UTS2R: variants seen among roughly 807,000 people sequenced by gnomAD.
The protein encoded by UTS2R is urotensin 2 receptor.
For missense variants in UTS2R, 653 were observed against 562.2 expected (o/e 1.16, Z -1.63); for synonymous variants, 335 against 280.9 (o/e 1.19, Z -1.93).
rs753754226 is a variant in UTS2R, at chr17:82,375,176, C to G, written c.852C>G (p.His284Gln). The G allele has an allele frequency of 3.2e-6, 5 of 1,551,592 alleles. No homozygotes were observed. The highest frequency in any genetic ancestry group is 1.4e-5 in the African/African-American group (1 of 72,470). The change falls in exon 3 of 3, where the codon CAC (histidine) becomes CAG (glutamine). Residue 284 changes from histidine to glutamine, a missense_variant. By Grantham distance (24) the His-to-Gln change is conservative. Coordinates refer to ENST00000313135, the MANE Select transcript of UTS2R (RefSeq NM_018949.3). ...TGTGGCAGCTGCTCGCCCAGTACCA[C>G]CAGGCCCCGCTGGCGCCGCGGACGG... ...FWLWQLLAQY[H>Q]QAPLAPRTAR...
At position 82,374,843 on chromosome 17, in the gene UTS2R, C is replaced by G. The variant is rs1472404288; in HGVS notation, c.519C>G (p.Thr173=). 7.0e-7 allele frequency: 1 copy of G among 1,424,242 alleles called. No homozygotes were observed. Among genetic ancestry groups the G allele is most frequent in the African/African-American group, 1.4e-5 (1 of 71,670 alleles). 88.2% of individuals were successfully genotyped at this position (1,424,242 alleles called of 1,614,324 possible). ...ACCGCAAGCTGCTGGCGCTGGGCAC[C>G]TGGCTGCTGGCGCTGCTGCTGACGC... ...KGYRKLLALG[T]WLLALLLTLP... is the part of the protein sequence containing the mutation. Residue 173 remains threonine (T), a synonymous_variant, in exon 3 of 3, where the codon ACC becomes ACG. Transcript: ENST00000313135.
rs572351735 is a variant in UTS2R at position 82,375,087 on chromosome 17, C to G, written c.763C>G (p.Arg255Gly). The change falls in exon 3 of 3, where the codon CGC becomes GGC. Residue 255 changes from arginine (R) to glycine (G), a missense_variant. By Grantham distance (125) the Arg-to-Gly change is moderately radical. Transcript: ENST00000313135. ...CAAGCGGGCCCGGCGGCCGGGGGCG[C>G]GCGCGCTGCGCCTGGTGCTGGGCAT... The part of the protein sequence containing the change: ...SFKRARRPGA[R>G]ALRLVLGIVL... 1.2e-5 allele frequency: 17 copies of G among 1,409,934 alleles called. No homozygotes were observed. The African/African-American group carries it at 2.3e-4, about 19-fold the overall frequency. 87.3% of individuals were successfully genotyped at this position (1,409,934 alleles called of 1,614,324 possible).
chr17:82,375,115 T>C lies in UTS2R; in HGVS notation c.791T>C (p.Val264Ala), dbSNP rs867639714. The stretch of plus-strand genomic sequence containing the variant: ...GCGCTGCGCCTGGTGCTGGGCATCG[T>C]GCTGCTCTTCTGGGCCTGCTTCCTG... ...ARALRLVLGI[V>A]LLFWACFLPF... Residue 264 changes from valine to alanine, a missense_variant, in exon 3 of 3, where the codon GTG (valine) becomes GCG (alanine). Transcript: ENST00000313135. 6.6e-7 allele frequency: 1 copy of C among 1,506,498 alleles called. No homozygotes were observed. The highest frequency in any genetic ancestry group is 2.1e-5 in the Admixed American group (1 of 46,544). The allele number at this position is 1,506,498 out of a possible 1,614,324, so 93.3% of individuals were successfully genotyped here.
Position 82,374,094 on chromosome 17 carries a change from T to C in UTS2R, c.-82-149T>C. ...GGGTTGGGGCAGCTCGTCTGGTGGCTCTTGAGTCCTCCTGCAGAGCTGGTG... is the reference window on the plus strand; with the variant it reads ...GGGTTGGGGCAGCTCGTCTGGTGGCCCTTGAGTCCTCCTGCAGAGCTGGTG... On this transcript the variant is annotated intron_variant, in intron 2 of 2. Coordinates refer to ENST00000313135, the MANE Select transcript of UTS2R (RefSeq NM_018949.3). 4 of 521,298 alleles carry C rather than the reference T, an allele frequency of 7.7e-6. No homozygotes were observed. The South Asian group carries it at 9.4e-5, about 12-fold the overall frequency. 32.3% of individuals were successfully genotyped at this position (521,298 alleles called of 1,614,324 possible). A position where few individuals can be genotyped will look rare whatever the true frequency, so the allele number is the denominator to read the frequency against.
At chr17:82,373,201 G>A (rs2052462738) in intron 2 of UTS2R, among the ~76,000 whole-genome samples, 1 of 151,682 alleles carries the variant, frequency 6.6e-6, no homozygotes, top group Non-Finnish European at 1.5e-5. Context: ...TGTTGCCCAG[G>A]CTGGAGTGCG....
intron 2 of UTS2R, among the ~76,000 whole-genome samples, chr17:82,373,147 C>CT (rs1218800004): frequency 9.2e-5 from 14 of 151,684 alleles, no homozygotes; most frequent in African/African-American, 3.4e-4. Flanking sequence ...AGCTTTTTGT[C>CT]TATGTTTCTT....
chr17:82,377,166 C>G lies in UTS2R; in HGVS notation c.*1672C>G, dbSNP rs1447016546. ...GATCCTGTTGATCTATGACCTTACCCCCAACCCTGTGCTCTCTGAAACATG... is the reference window on the plus strand; with the variant it reads ...GATCCTGTTGATCTATGACCTTACCGCCAACCCTGTGCTCTCTGAAACATG... On this transcript the variant is annotated 3_prime_UTR_variant, in exon 3 of 3. Coordinates refer to ENST00000313135, the MANE Select transcript of UTS2R (RefSeq NM_018949.3). Among the ~76,000 whole-genome samples, 1 of 152,016 alleles carries G rather than the reference C, an allele frequency of 6.6e-6. No individual in the cohort carries two copies. The highest frequency in any genetic ancestry group is 1.9e-4 in the East Asian group (1 of 5,202).
At chr17:82,373,042 G>A (rs1427686866) in intron 2 of UTS2R, among the ~76,000 whole-genome samples, 6 of 152,190 alleles carry the variant, frequency 3.9e-5, no homozygotes, top group African/African-American at 1.4e-4. Flanking sequence ...GTCCTTTTCA[G>A]GAAGTCCCCG....
chr17:82,374,963 G>C lies in UTS2R; in HGVS notation c.639G>C (p.Thr213=). Residue 213 remains threonine (T), a synonymous_variant, in exon 3 of 3, where the codon ACG becomes ACC. Coordinates refer to ENST00000313135, the MANE Select transcript of UTS2R (RefSeq NM_018949.3). Reference sequence around the variant, plus strand: ...CGCGCGCCCACCGCGCCTACCTGACGCTGCTCTTCGCCACCAGCATCGCGG... The same window carrying C: ...CGCGCGCCCACCGCGCCTACCTGACCCTGCTCTTCGCCACCAGCATCGCGG... ...WGPRAHRAYL[T]LLFATSIAGP... 8.7e-7 allele frequency: 1 copy of C among 1,154,852 alleles called. No homozygotes were observed. Among genetic ancestry groups the C allele is most frequent in the Non-Finnish European group, 1.2e-6 (1 of 809,014 alleles). 71.5% of individuals were successfully genotyped at this position (1,154,852 alleles called of 1,614,324 possible).
rs543994160 is a variant in UTS2R at position 82,372,206 on chromosome 17, C to T, written c.-269+159C>T. Among the ~76,000 whole-genome samples, 32 of 152,290 alleles carry T rather than the reference C, an allele frequency of 2.1e-4. No homozygotes were observed. The South Asian group carries it at 3.3e-3, about 16-fold the overall frequency. ...GGCTTCTCCCGTGCCGTGGAACTTT[C>T]GGCCCCTCCCCTTCCCCCCTAGCGA... On this transcript the variant is annotated intron_variant, in intron 1 of 2. Coordinates refer to ENST00000313135, the MANE Select transcript of UTS2R (RefSeq NM_018949.3).
At position 82,377,302 on chromosome 17, in the gene UTS2R, C is replaced by T. The variant is rs36120563; in HGVS notation, c.*1808C>T. On this transcript the variant is annotated 3_prime_UTR_variant, in exon 3 of 3. Transcript: ENST00000313135. ...AGGAGTCATCACCACTCCCTAATCT[C>T]AAGTACCCAGGGACACAAACACTGC... Among the ~76,000 whole-genome samples the T allele has an allele frequency of 6.6e-6, 1 of 151,868 alleles. No individual in the cohort carries two copies. The highest frequency in any genetic ancestry group is 6.6e-5 in the Admixed American group (1 of 15,244).
chr17:82,375,020 G>A lies in UTS2R; in HGVS notation c.696G>A (p.Ala232=), dbSNP rs574658650. ...GPGLLIGLLY[A]RLARAYRRSQ... is the part of the protein sequence containing the mutation. ...GGCTGCTCATCGGGCTGCTCTACGC[G>A]CGCCTGGCCCGCGCCTACCGCCGCT... is the stretch of plus-strand genomic sequence containing the variant. Residue 232 remains alanine (A), a synonymous_variant, in exon 3 of 3, where the codon GCG becomes GCA. Transcript: ENST00000313135. The A allele has an allele frequency of 1.5e-6, 2 of 1,360,274 alleles. No homozygotes were observed. The highest frequency in any genetic ancestry group is 9.8e-7 in the Non-Finnish European group (1 of 1,015,448). 84.3% of individuals were successfully genotyped at this position (1,360,274 alleles called of 1,614,324 possible). A position where few individuals can be genotyped will look rare whatever the true frequency, so the allele number is the denominator to read the frequency against.
Position 82,375,886 on chromosome 17 carries a change from C to T in UTS2R, c.*392C>T, listed in dbSNP as rs2052492704. 6.6e-6 allele frequency among the ~76,000 whole-genome samples: 1 copy of T among 152,274 alleles called. No homozygotes were observed. The highest frequency in any genetic ancestry group is 2.1e-4 in the South Asian group (1 of 4,838). ...GTGGCTTTGCCACTGGAACAATCAACCCTGAGCTGGCTTCCGTGTCCTGCC... is the reference window on the plus strand; with the variant it reads ...GTGGCTTTGCCACTGGAACAATCAATCCTGAGCTGGCTTCCGTGTCCTGCC... On this transcript the variant is annotated 3_prime_UTR_variant, in exon 3 of 3. Transcript: ENST00000313135.
In UTS2R at chr17:82,374,457, C is replaced by G; in HGVS notation, c.133C>G (p.Leu45Val). ...SWASPTEPSSLEDLVATGTIG... is the reference protein window; with the variant it reads ...SWASPTEPSSVEDLVATGTIG... ...GGCCAGCCCGACCGAGCCCAGCTCC[C>G]TGGAGGACCTGGTGGCCACGGGCAC... is the stretch of plus-strand genomic sequence containing the variant. The change falls in exon 3 of 3, where the codon CTG becomes GTG. Residue 45 changes from leucine to valine, a missense_variant. Transcript: ENST00000313135. 6.3e-7 allele frequency: 1 copy of G among 1,599,166 alleles called. No homozygotes were observed. Among genetic ancestry groups the G allele is most frequent in the Non-Finnish European group, 8.5e-7 (1 of 1,175,068 alleles).
rs2052489705 is a variant in UTS2R at position 82,375,491 on chromosome 17, G to A, written c.1167G>A (p.Ala389=). 1.5e-6 allele frequency: 2 copies of A among 1,320,518 alleles called. No individual in the cohort carries two copies. The highest frequency in any genetic ancestry group is 2.0e-6 in the Non-Finnish European group (2 of 992,468). 81.8% of individuals were successfully genotyped at this position (1,320,518 alleles called of 1,614,324 possible). A position where few individuals can be genotyped will look rare whatever the true frequency, so the allele number is the denominator to read the frequency against. The change falls in exon 3 of 3, where the codon GCG becomes GCA. Residue 389 remains alanine (A), a synonymous_variant. Transcript: ENST00000313135. ...CGCCCGAGGGTCCCAGGGCCCCGGC[G>A]TGAGCACGCGGAGGGGCGGCTGGAG... is the stretch of plus-strand genomic sequence containing the variant. ...RPAPEGPRAP[A]
intron 2 of UTS2R, among the ~76,000 whole-genome samples, 190 bp downstream of exon 2, chr17:82,372,973 A>G (rs1042701309): frequency 6.6e-6 from 1 of 152,192 alleles, no homozygotes; most frequent in African/African-American, 2.4e-5. Context: ...CATCCTTGTC[A>G]GCACGCAGGG....
In UTS2R at chr17:82,375,642, TC is replaced by T; in HGVS notation, c.*151del. 1 of 486,380 alleles carries T rather than the reference TC, an allele frequency of 2.1e-6. No homozygotes were observed. The highest frequency in any genetic ancestry group is 3.3e-5 in the South Asian group (1 of 30,608). The allele number at this position is 486,380 out of a possible 1,614,324, so 30.1% of individuals were successfully genotyped here. ...CCTGCTCGCTTCCCCTCAGCGCCCT[TC>T]CCGTGATGCCCAGAAGCGCCCACCC... On this transcript the variant is annotated 3_prime_UTR_variant, in exon 3 of 3. Coordinates refer to ENST00000313135, the MANE Select transcript of UTS2R (RefSeq NM_018949.3).
chr17:82,375,033 G>A lies in UTS2R; in HGVS notation c.709G>A (p.Ala237Thr), dbSNP rs1304082639. 4 of 1,395,736 alleles carry A rather than the reference G, an allele frequency of 2.9e-6. No individual in the cohort carries two copies. The highest frequency in any genetic ancestry group is 2.8e-5 in the Admixed American group (1 of 36,008). The allele number at this position is 1,395,736 out of a possible 1,614,324, so 86.5% of individuals were successfully genotyped here. A position where few individuals can be genotyped will look rare whatever the true frequency, so the allele number is the denominator to read the frequency against. ...GCTGCTCTACGCGCGCCTGGCCCGC[G>A]CCTACCGCCGCTCGCAGCGCGCCTC... The part of the protein sequence containing the change: ...IGLLYARLAR[A>T]YRRSQRASFK... Residue 237 changes from alanine to threonine, a missense_variant, in exon 3 of 3, where the codon GCC becomes ACC. Coordinates refer to ENST00000313135, the MANE Select transcript of UTS2R (RefSeq NM_018949.3).
At position 82,375,580 on chromosome 17, in the gene UTS2R, C is replaced by G. The variant is rs1003787051; in HGVS notation, c.*86C>G. 8 of 545,072 alleles carry G rather than the reference C, an allele frequency of 1.5e-5. No homozygotes were observed. Among genetic ancestry groups the G allele is most frequent in the Non-Finnish European group, 2.2e-5 (7 of 321,790 alleles). The allele number at this position is 545,072 out of a possible 1,614,324, so 33.8% of individuals were successfully genotyped here. A position where few individuals can be genotyped will look rare whatever the true frequency, so the allele number is the denominator to read the frequency against. On this transcript the variant is annotated 3_prime_UTR_variant, in exon 3 of 3. Transcript: ENST00000313135. ...GGGAGCCCCCCCAACTCCCAAATCACAGGCCCTGCCCCTCCTCCGTCCCCT... is the reference window on the plus strand; with the variant it reads ...GGGAGCCCCCCCAACTCCCAAATCAGAGGCCCTGCCCCTCCTCCGTCCCCT...
Sources: allele counts gnomAD v4.1 joint callset (sites outside exome capture counted in the v4.1 genomes callset), GRCh38; gene constraint gnomAD v4.1.1; transcripts MANE v1.5; gene names NCBI Gene and HGNC (gene_info 2026-07-23, HGNC 2026-07-21).